The following MED16 variants were observed in gnomAD, a reference collection of about 807,000 sequenced individuals.
MED16 encodes the protein mediator complex subunit 16.
A neutral mutation model predicts 84.4 loss-of-function variants in MED16; 81 were observed. The ratio of observed to expected loss-of-function variants is 0.96; its 90% CI spans 0.80 to 1.15. The LOEUF (loss-of-function observed/expected upper bound fraction) is 1.15. MED16 is among the 50% of genes most tolerant of loss of function. MED16 has a pLI of 0.00. For missense variants in MED16, 1,585 were observed against 1,245.9 expected (o/e 1.27, Z -4.10); for synonymous variants, 897 against 552.2 (o/e 1.62, Z -8.76).
intron 4 of MED16, among the ~76,000 whole-genome samples, chr19:888,384 T>C (rs2965293): frequency 0.28 from 41,371 of 148,906 alleles, 6,263 homozygotes; most frequent in African/African-American, 0.39. Context: ...ATTAGCCAGG[T>C]GTGGTGGTGG....
chr19:868,105 G>A lies in MED16; in HGVS notation c.2630C>T (p.Pro877Leu), dbSNP rs146602511. The A allele has an allele frequency of 6.0e-3, 9,633 of 1,607,586 alleles. 46 individuals are homozygous for A. Among genetic ancestry groups the A allele is most frequent in the Non-Finnish European group, 7.2e-3 (8,452 of 1,178,350 alleles). Residue 877 changes from proline to leucine, a missense_variant, in exon 16 of 16, where the codon CCG (proline) becomes CTG (leucine). Transcript: ENST00000325464. ...SLDHLHPEDR[P>L] Reference sequence around the variant, plus strand: ...GTCCGCCTGGACCCCCGGCCGTCACGGACGGTCCTCTGGATGCAGATGGTC... The same window carrying A: ...GTCCGCCTGGACCCCCGGCCGTCACAGACGGTCCTCTGGATGCAGATGGTC...
At chr19:874,267 C>A (rs1042994403) in intron 10 of MED16, among the ~76,000 whole-genome samples, 5 of 152,158 alleles carry the variant, frequency 3.3e-5, no homozygotes, top group Non-Finnish European at 7.3e-5. Flanking sequence ...GCGCCCGCCA[C>A]CACGCCCGGC....
At chr19:880,733 A>C (rs1306022025) in intron 7 of MED16, among the ~76,000 whole-genome samples, 2 of 152,142 alleles carry the variant, frequency 1.3e-5, no homozygotes, top group African/African-American at 4.8e-5. Flanking sequence ...CAGCCTGGGC[A>C]ACACCGGTGA....
intron 10 of MED16, among the ~76,000 whole-genome samples, chr19:874,439 A>T (rs1397991722): frequency 1.3e-5 from 2 of 152,184 alleles, no homozygotes; most frequent in Admixed American, 1.3e-4. Flanking sequence ...ACAGCCTGCC[A>T]GGCACAGTGG....
intron 2 of MED16, 127 bp downstream of exon 2, chr19:890,836 G>A (rs1357353093): frequency 3.9e-6 from 4 of 1,030,828 alleles, no homozygotes; most frequent in South Asian, 3.4e-5. Flanking sequence ...AAGTTACAGA[G>A]GAGGGCCAGG....
intron 5 of MED16, 132 bp downstream of exon 5, chr19:885,638 C>A: frequency 9.1e-7 from 1 of 1,095,126 alleles, no homozygotes. Context: ...CTGGAGCCCC[C>A]GGGAGGGACC....
At chr19:868,563 A>C in intron 14 of MED16, 64 bp from the exon 15 acceptor site, 1 of 1,580,986 alleles carries the variant, frequency 6.3e-7, no homozygotes, top group East Asian at 2.2e-5. Flanking sequence ...CGCCTGCCCC[A>C]CTTTTGCTTC....
At chr19:889,051 TCCC>T (rs143513224) in intron 4 of MED16, among the ~76,000 whole-genome samples, 668 of 89,612 alleles carry the variant, frequency 7.5e-3, no homozygotes, top group African/African-American at 0.026. Flanking sequence ...CTCTTAACTG[TCCC>T]CCCCAACCCT....
chr19:889,257 G>A (rs555721534), intron 4 of MED16, among the ~76,000 whole-genome samples: 2 of 152,246 alleles, frequency 1.3e-5, no homozygotes, highest in Admixed American at 1.3e-4. Flanking sequence ...AGGGGCTCTG[G>A]GATGTTACTA....
Position 871,018 on chromosome 19 carries a change from A to G in MED16, c.2315+19T>C. On this transcript the variant is annotated intron_variant, in intron 13 of 15. Transcript: ENST00000325464. ...GGAAGGAGTCCTGTGTTTGGGGACC[A>G]ATGCAGGGACACACGCACCTGGCGA... The G allele has an allele frequency of 6.5e-7, 1 of 1,527,184 alleles. No individual in the cohort carries two copies. Among genetic ancestry groups the G allele is most frequent in the Non-Finnish European group, 8.8e-7 (1 of 1,130,330 alleles). 94.6% of individuals were successfully genotyped at this position (1,527,184 alleles called of 1,614,324 possible). A position where few individuals can be genotyped will look rare whatever the true frequency, so the allele number is the denominator to read the frequency against.
rs914214702 is a variant in MED16, at chr19:877,148, G to A, written c.1386C>T (p.Gly462=). The change falls in exon 9 of 16, where the codon GGC becomes GGT. Residue 462 remains glycine (G), a synonymous_variant. Transcript: ENST00000325464. ...GCGCCAGCCCCACCTCCAGCGGGTG[G>A]CCCATGGAAGGTGAGAGGCGGAGCA... ...LSVLRLSPSM[G]HPLEVGLALR... is the part of the protein sequence containing the mutation. 1 of 1,611,508 alleles carries A rather than the reference G, an allele frequency of 6.2e-7. No homozygotes were observed. Among genetic ancestry groups the A allele is most frequent in the South Asian group, 1.1e-5 (1 of 90,920 alleles).
chr19:874,404 C>G (rs117182092), intron 10 of MED16, among the ~76,000 whole-genome samples: 1 of 152,092 alleles, frequency 6.6e-6, no homozygotes, highest in Non-Finnish European at 1.5e-5. Flanking sequence ...GTCGCCACGC[C>G]CAGCAACCCT....
At chr19:882,738 G>C (rs2036445733) in intron 6 of MED16, among the ~76,000 whole-genome samples, 1 of 152,236 alleles carries the variant, frequency 6.6e-6, no homozygotes, top group Non-Finnish European at 1.5e-5. Flanking sequence ...AGGGCTGCTG[G>C]CCTGAGCTGC....
Position 880,108 on chromosome 19 carries a change from C to T in MED16, c.1182G>A (p.Val394=), listed in dbSNP as rs758326837. The change falls in exon 8 of 16, where the codon GTG becomes GTA. Residue 394 remains valine (V), a synonymous_variant. Transcript: ENST00000325464. ...CCATGGTCTGCAGTGAGAGCCGGTG[C>T]ACGATGTGGACGCTGCCGTCGTGGA... ...LAFHDGSVHI[V]HRLSLQTMAV... 4 of 1,610,548 alleles carry T rather than the reference C, an allele frequency of 2.5e-6. No homozygotes were observed. Among genetic ancestry groups the T allele is most frequent in the Admixed American group, 1.7e-5 (1 of 59,934 alleles).
rs1042716884 is a variant in MED16 at position 884,826 on chromosome 19, C to A, written c.985+77G>T. 34 of 1,189,388 alleles carry A rather than the reference C, an allele frequency of 2.9e-5. No homozygotes were observed. In the Middle Eastern group the frequency reaches 1.5e-3, roughly 52 times the overall value. The allele number at this position is 1,189,388 out of a possible 1,614,324, so 73.7% of individuals were successfully genotyped here. On this transcript the variant is annotated intron_variant, in intron 6 of 15. Transcript: ENST00000325464. The stretch of plus-strand genomic sequence containing the variant: ...TTCAGGACCACCCTGGGTGACACAG[C>A]AAGACCTGCCTCCAAAATAAAAACC...
chr19:877,307 T>C, intron 8 of MED16, 127 bp from the exon 9 acceptor site: 2 of 806,702 alleles, frequency 2.5e-6, no homozygotes, highest in East Asian at 2.7e-5. Flanking sequence ...TGTGTGGGCC[T>C]GTGTGCGCGC....
Position 876,863 on chromosome 19 carries a change from G to A in MED16, c.1560+111C>T, listed in dbSNP as rs541062003. 1.0e-5 allele frequency: 9 copies of A among 887,942 alleles called. No homozygotes were observed. In the South Asian group the frequency reaches 1.8e-4, roughly 18 times the overall value. 55.0% of individuals were successfully genotyped at this position (887,942 alleles called of 1,614,324 possible). Reference sequence around the variant, plus strand: ...ACAGGGACAGCCCCACCTGGCACGGGACCACCTGCCACGGGGCCCCCACCT... The same window carrying A: ...ACAGGGACAGCCCCACCTGGCACGGAACCACCTGCCACGGGGCCCCCACCT... On this transcript the variant is annotated intron_variant, in intron 9 of 15. Transcript: ENST00000325464.
At chr19:871,291 C>T (rs555504067) in intron 12 of MED16, 38 bp from the exon 13 acceptor site, 2 of 1,510,344 alleles carry the variant, frequency 1.3e-6, no homozygotes, top group South Asian at 1.2e-5. Flanking sequence ...GCACCCCTGA[C>T]TGGGGCACCG....
intron 5 of MED16, among the ~76,000 whole-genome samples, chr19:885,360 C>T (rs1283304498): frequency 6.6e-6 from 1 of 152,150 alleles, no homozygotes; most frequent in South Asian, 2.1e-4. Flanking sequence ...AACATCCCAT[C>T]CTCAGCCCTA....
Sources: gnomAD v4.1 joint callset for allele counts (sites outside exome capture counted in the v4.1 genomes callset) on GRCh38, gnomAD v4.1.1 for gene constraint, MANE v1.5 for transcripts, NCBI Gene and HGNC (gene_info 2026-07-23, HGNC 2026-07-21) for gene names.